The following C2 variants were observed in gnomAD, a reference collection of about 807,000 sequenced individuals.
The protein encoded by C2 is C3/C5 convertase.
In C2, 64 loss-of-function variants were observed where a neutral mutation model predicts 85.2. The ratio of observed to expected loss-of-function variants is 0.75; its 90% CI spans 0.61 to 0.92. The LOEUF is 0.92. C2 is among the 40% of genes least tolerant of loss of function. C2 has a pLI of 0.00. For missense variants in C2, 820 were observed against 971.6 expected, an observed-to-expected ratio of 0.84 and a Z score of 2.07; for synonymous variants, 311 against 370.8, an observed-to-expected ratio of 0.84 and a Z score of 1.85.
chr6:31,928,988 T>C (rs1769507132), intron 3 of C2, 71 bp downstream of exon 3: 6 of 1,389,728 alleles, frequency 4.3e-6, no homozygotes, highest in Admixed American at 2.0e-5. Context: ...CCAATGTGCA[T>C]CCAGGAAGCC....
chr6:31,900,162 G>A, upstream of C2: 1 of 1,614,222 alleles, frequency 6.2e-7, no homozygotes, highest in Non-Finnish European at 8.5e-7. This position sits in a 1 kb window ranked among gnomAD's most constrained non-coding sequence, Gnocchi z 9.7. Context: ...TTGACACCAC[G>A]ATGCACGTTC....
intron 1 of C2, among the ~76,000 whole-genome samples, chr6:31,902,496 G>A (rs924755527): frequency 6.6e-6 from 1 of 152,170 alleles, no homozygotes; most frequent in African/African-American, 2.4e-5. Flanking sequence ...CGCTGCCCTG[G>A]GTGCATCCGT....
intron 1 of C2, among the ~76,000 whole-genome samples, chr6:31,913,948 T>A (rs908850671): frequency 1.3e-5 from 2 of 150,960 alleles, no homozygotes; most frequent in East Asian, 4.0e-4. Context: ...CTTTTTTTTT[T>A]AAGACGGAAT....
intron 1 of C2, among the ~76,000 whole-genome samples, chr6:31,910,840 C>T (rs959207768): frequency 5.3e-5 from 8 of 151,652 alleles, no homozygotes; most frequent in Admixed American, 3.9e-4. Context: ...ATTAGCCAGG[C>T]GTGGTGGCGC....
At chr6:31,917,739 C>T (rs1768648550), upstream of C2, among the ~76,000 whole-genome samples, 1 of 151,844 alleles carries the variant, frequency 6.6e-6, no homozygotes, top group African/African-American at 2.4e-5. Context: ...AACCCCGTCT[C>T]TACTAAAAAT....
At chr6:31,905,602 A>G (rs993565668) in intron 1 of C2, among the ~76,000 whole-genome samples, 3 of 61,182 alleles carry the variant, frequency 4.9e-5, no homozygotes, top group Non-Finnish European at 8.2e-5. Flanking sequence ...CACCTGTCTC[A>G]AAAATAATAA....
rs1306847495 is a variant in C2, at chr6:31,944,828, C to T, written c.2004C>T (p.Thr668=). Residue 668 remains threonine, a synonymous_variant, in exon 16 of 18, where the codon ACC becomes ACT. Transcript: ENST00000299367. This position sits in a 1 kb window ranked among gnomAD's most constrained non-coding sequence, Gnocchi z 5.1. The part of the protein sequence containing the change: ...VVTDQFLCSG[T]QEDESPCKGE... ...CAGACCAGTTCCTATGCAGTGGGAC[C>T]CAGGAGGATGAGAGTCCCTGCAAGG... 1 of 1,612,876 alleles carries T rather than the reference C, an allele frequency of 6.2e-7. No individual in the cohort carries two copies. The highest frequency in any genetic ancestry group is 8.5e-7 in the Non-Finnish European group (1 of 1,180,010).
upstream of C2, among the ~76,000 whole-genome samples, chr6:31,919,254 C>T (rs924139124): frequency 6.6e-6 from 1 of 151,594 alleles, no homozygotes; most frequent in African/African-American, 2.4e-5. Context: ...AAGCAATTCT[C>T]CTGCCTCAGC....
At chr6:31,937,507 C>T (rs1311503072) in intron 8 of C2, 48 bp downstream of exon 8, 1 of 1,606,256 alleles carries the variant, frequency 6.2e-7, no homozygotes, top group East Asian at 2.2e-5. Flanking sequence ...GAAGGGGCAC[C>T]AATATGGGGT....
chr6:31,923,548 A>T (rs1769096338), upstream of C2, among the ~76,000 whole-genome samples: 2 of 151,462 alleles, frequency 1.3e-5, no homozygotes, highest in African/African-American at 4.9e-5. Flanking sequence ...CAGTGGCACG[A>T]TCTCCGCTCA....
At chr6:31,910,816 C>G (rs1390355080) in intron 1 of C2, among the ~76,000 whole-genome samples, 1 of 151,364 alleles carries the variant, frequency 6.6e-6, no homozygotes, top group Non-Finnish European at 1.5e-5. Flanking sequence ...CCCATCTCTA[C>G]TAAAAATACA....
chr6:31,921,313 T>G lies in C2; in HGVS notation c.-100+1287T>G, dbSNP rs759501792. ...AAAAAAAAAACTCCTGGATCCTTCC[T>G]CTGGGGAGCTTGAGACAAGTGCACA... On this transcript the variant is annotated intron_variant, in intron 1 of 3. Coordinates refer to the C2 transcript ENST00000413154. This position sits in a 1 kb window ranked among gnomAD's most constrained non-coding sequence, Gnocchi z 4.6. Among the ~76,000 whole-genome samples, 11 of 152,148 alleles carry G rather than the reference T, an allele frequency of 7.2e-5. No homozygotes were observed. The highest frequency in any genetic ancestry group is 1.2e-4 in the Non-Finnish European group (8 of 68,000).
At chr6:31,938,908 C>T (rs1054905783) in intron 8 of C2, among the ~76,000 whole-genome samples, 2 of 152,188 alleles carry the variant, frequency 1.3e-5, no homozygotes, top group Non-Finnish European at 2.9e-5. Flanking sequence ...CTGCCTTGGC[C>T]TCCCAAAGTG....
At chr6:31,917,127 C>T (rs1768589570), upstream of C2, among the ~76,000 whole-genome samples, 1 of 147,110 alleles carries the variant, frequency 6.8e-6, no homozygotes, top group Non-Finnish European at 1.5e-5. Context: ...GCCAAGACGG[C>T]ACCACTGCAC....
chr6:31,933,509 G>T, intron 3 of C2, 101 bp from the exon 4 acceptor site: 1 of 1,252,888 alleles, frequency 8.0e-7, no homozygotes, highest in South Asian at 1.3e-5. Context: ...TGCATCCCTG[G>T]GTTGGAACTG....
At chr6:31,931,081 T>C (rs969115740) in intron 3 of C2, among the ~76,000 whole-genome samples, 4 of 152,192 alleles carry the variant, frequency 2.6e-5, no homozygotes, top group Admixed American at 2.6e-4. Flanking sequence ...CTGGCATCCT[T>C]TGTTCTATAT....
At chr6:31,903,499 A>C (rs1767521217) in intron 1 of C2, among the ~76,000 whole-genome samples, 1 of 151,980 alleles carries the variant, frequency 6.6e-6, no homozygotes, top group African/African-American at 2.4e-5. Flanking sequence ...ACGTGGTGGC[A>C]GGTGCCTGTA....
chr6:31,936,511 CTTT>C (rs548102461), intron 7 of C2: 142 of 179,486 alleles, frequency 7.9e-4, no homozygotes, highest in South Asian at 1.9e-3. Context: ...TTTTCTTCTT[CTTT>C]TTTTTTTTTT....
chr6:31,944,388 T>C lies in C2; in HGVS notation c.1902+162T>C, dbSNP rs1291720778. On this transcript the variant is annotated intron_variant, in intron 15 of 17. Transcript: ENST00000299367. The surrounding 1 kb of genome is among the most constrained non-coding windows in gnomAD (Gnocchi z 5.1). The stretch of plus-strand genomic sequence containing the variant: ...TGTCCCTGGGTCTGCTTATTCTTTT[T>C]TTGTTGTTATTGAGATGGAGTCTTG... Among the ~76,000 whole-genome samples, 1 of 152,054 alleles carries C rather than the reference T, an allele frequency of 6.6e-6. No individual in the cohort carries two copies. Among genetic ancestry groups the C allele is most frequent in the Non-Finnish European group, 1.5e-5 (1 of 67,992 alleles).
Sources: gnomAD v4.1 joint callset for allele counts (sites outside exome capture counted in the v4.1 genomes callset) on GRCh38, gnomAD v4.1.1 for gene constraint, Gnocchi (gnomAD v3.1) non-coding constraint, MANE v1.5 for transcripts, NCBI Gene and HGNC (gene_info 2026-07-23, HGNC 2026-07-21) for gene names.